The following JAKMIP2 variants were observed in gnomAD, a reference collection of about 807,000 sequenced individuals.
The protein encoded by JAKMIP2 is janus kinase and microtubule interacting protein 2, also known as janus kinase and microtubule-interacting protein 2.
JAKMIP2 carries 25 observed loss-of-function variants against 115.0 expected under a neutral mutation model. The ratio of observed to expected loss-of-function variants is 0.22; its 90% CI spans 0.16 to 0.30. The LOEUF (loss-of-function observed/expected upper bound fraction) is 0.30, where lower values mean the gene tolerates loss of function less well. JAKMIP2 is among the 10% of genes least tolerant of loss of function. The probability of loss-of-function intolerance (pLI) is 1.00; values close to 1 mark genes in which losing one functional copy is unlikely to be tolerated. For synonymous variants in JAKMIP2, 334 were observed against 343.6 expected, an observed-to-expected ratio of 0.97 and a Z score of 0.31; for missense variants, 642 against 957.6, an observed-to-expected ratio of 0.67 and a Z score of 4.35.
At chr5:147,734,378 C>T (rs1001190318) in intron 1 of JAKMIP2, among the ~76,000 whole-genome samples, 2 of 151,898 alleles carry the variant, frequency 1.3e-5, no homozygotes, top group African/African-American at 4.8e-5. Flanking sequence ...TGGAAACCAT[C>T]ATTCTCAGCA....
rs1452011374 is a variant in JAKMIP2, at chr5:147,589,922, C to T, written c.*1785G>A. On this transcript the variant is annotated 3_prime_UTR_variant, in exon 22 of 22. Transcript: ENST00000616793. ...CAGCACTTGTAATAATTACAAAGCA[C>T]ATTGTGCTACTTTAAGCACCTCTTG... 6.6e-6 allele frequency: 1 copy of T among 152,176 alleles called. No homozygotes were observed. The highest frequency in any genetic ancestry group is 1.5e-5 in the Non-Finnish European group (1 of 68,030). The allele number at this position is 152,176 out of a possible 1,614,324, so 9.4% of individuals were successfully genotyped here.
At chr5:147,779,701 A>G (rs1231619990) in intron 1 of JAKMIP2, among the ~76,000 whole-genome samples, 1 of 152,116 alleles carries the variant, frequency 6.6e-6, no homozygotes, top group Non-Finnish European at 1.5e-5. Flanking sequence ...TCAACTACAA[A>G]ATGGAGTCTT....
intron 1 of JAKMIP2, among the ~76,000 whole-genome samples, chr5:147,711,237 G>T (rs1469926532): frequency 1.3e-5 from 2 of 152,180 alleles, no homozygotes; most frequent in Non-Finnish European, 2.9e-5. Flanking sequence ...AAGTCATAAT[G>T]AGGTTGTTGT....
At chr5:147,623,711 A>G (rs1298347780) in intron 16 of JAKMIP2, 22 bp from the exon 17 acceptor site, 1 of 1,548,902 alleles carries the variant, frequency 6.5e-7, no homozygotes, top group Admixed American at 1.7e-5. Flanking sequence ...ACAAGACAAA[A>G]GTGTTTGACA....
At chr5:147,693,065 T>G (rs190031678) in intron 1 of JAKMIP2, among the ~76,000 whole-genome samples, 164 of 152,314 alleles carry the variant, frequency 1.1e-3, no homozygotes, top group Non-Finnish European at 1.7e-3. Context: ...AACAGTAAAA[T>G]TATACATTTT....
chr5:147,646,584 A>G (rs17107047), intron 5 of JAKMIP2, among the ~76,000 whole-genome samples: 4,738 of 152,100 alleles, frequency 0.031, 257 homozygotes, highest in African/African-American at 0.11. Flanking sequence ...TAAATAAAAC[A>G]CAGAAAGGTT....
At chr5:147,732,419 C>T (rs1580849987) in intron 1 of JAKMIP2, among the ~76,000 whole-genome samples, 2 of 152,146 alleles carry the variant, frequency 1.3e-5, no homozygotes, top group African/African-American at 2.4e-5. Flanking sequence ...TTTCACCATG[C>T]GTTTGTGGAG....
intron 1 of JAKMIP2, among the ~76,000 whole-genome samples, chr5:147,728,057 T>C (rs1338452579): frequency 1.3e-5 from 2 of 152,222 alleles, no homozygotes; most frequent in Non-Finnish European, 2.9e-5. Context: ...TGTTCTGTTT[T>C]GCTTTGCTTT....
At chr5:147,722,968 T>A (rs1753374039) in intron 1 of JAKMIP2, among the ~76,000 whole-genome samples, 1 of 152,124 alleles carries the variant, frequency 6.6e-6, no homozygotes, top group African/African-American at 2.4e-5. Flanking sequence ...GCAAAGCATT[T>A]TTGGGGGATG....
At position 147,609,232 on chromosome 5, in the gene JAKMIP2, T is replaced by C. The variant is rs1756184870; in HGVS notation, c.2412+3074A>G. On this transcript the variant is annotated intron_variant, in intron 20 of 21. Coordinates refer to ENST00000616793, the MANE Select transcript of JAKMIP2 (RefSeq NM_001270941.2). ...ATCCTGTCATTGTGATGCTAGCTGG[T>C]TGTTTTGCCCATTAGTTGATGCAGT... is the stretch of plus-strand genomic sequence containing the variant. 2.0e-5 allele frequency among the ~76,000 whole-genome samples: 3 copies of C among 152,176 alleles called. No homozygotes were observed. The South Asian group carries it at 6.2e-4, about 31-fold the overall frequency.
chr5:147,617,413 T>C (rs1231514196), intron 19 of JAKMIP2, among the ~76,000 whole-genome samples: 1 of 152,134 alleles, frequency 6.6e-6, no homozygotes. Flanking sequence ...GTAAGTAGAG[T>C]CCTTAGTTTA....
intron 1 of JAKMIP2, among the ~76,000 whole-genome samples, chr5:147,763,967 G>T (rs1755021738): frequency 6.6e-6 from 1 of 152,140 alleles, no homozygotes; most frequent in South Asian, 2.1e-4. Flanking sequence ...CACCCAGCCA[G>T]ACACCATGGG....
chr5:147,661,908 T>C (rs1385442323), intron 2 of JAKMIP2: 1 of 163,528 alleles, frequency 6.1e-6, no homozygotes, highest in South Asian at 1.8e-4. Flanking sequence ...GAGAGCTTTT[T>C]AGACTACACA....
chr5:147,679,066 G>A (rs1008800305), intron 1 of JAKMIP2, among the ~76,000 whole-genome samples: 2 of 151,644 alleles, frequency 1.3e-5, no homozygotes, highest in African/African-American at 2.4e-5. Context: ...CTGCAACCTC[G>A]GCCTCCCAGG....
chr5:147,620,741 T>C lies in JAKMIP2; in HGVS notation c.2067A>G (p.Glu689=), dbSNP rs1458872057. ...QKMMELESDM[E]QFCKIKGYLE... ...GATAGCCTTTTATTTTGCAGAACTG[T>C]TCCTATAACAAAGGGCCATATTGAT... The change falls in exon 18 of 22, where the codon GAA becomes GAG. Residue 689 remains glutamate, a splice_region_variant and synonymous_variant. Coordinates refer to ENST00000616793, the MANE Select transcript of JAKMIP2 (RefSeq NM_001270941.2). The C allele has an allele frequency of 3.1e-6, 5 of 1,612,334 alleles. No individual in the cohort carries two copies. The highest frequency in any genetic ancestry group is 3.3e-5 in the Admixed American group (2 of 60,002).
chr5:147,740,857 G>A (rs1273265192), intron 1 of JAKMIP2, among the ~76,000 whole-genome samples: 2 of 152,176 alleles, frequency 1.3e-5, no homozygotes, highest in African/African-American at 2.4e-5. Context: ...CAAAGGGTTG[G>A]TGAAGAGGAA....
rs1754902577 is a variant in JAKMIP2, at chr5:147,587,057, C to T, written c.*4650G>A. ...CAACTTTCCATTATGTCTGTATCTT[C>T]TTGCCAATATGCCTGAAATTAGATC... On this transcript the variant is annotated 3_prime_UTR_variant, in exon 22 of 22. Transcript: ENST00000616793. The T allele has an allele frequency of 6.6e-6, 1 of 152,128 alleles. No individual in the cohort carries two copies. The allele number at this position is 152,128 out of a possible 1,614,324, so 9.4% of individuals were successfully genotyped here.
At chr5:147,697,525 C>T (rs557546929) in intron 1 of JAKMIP2, among the ~76,000 whole-genome samples, 106 of 152,308 alleles carry the variant, frequency 7.0e-4, no homozygotes, top group Admixed American at 1.6e-3. Flanking sequence ...CCTCTCCCAT[C>T]ACAGGCCTGG....
intron 1 of JAKMIP2, among the ~76,000 whole-genome samples, chr5:147,748,427 C>T (rs973096959): frequency 2.0e-5 from 3 of 151,540 alleles, no homozygotes; most frequent in African/African-American, 7.3e-5. Context: ...AGGTAGATAG[C>T]GAGGGTAAAA....
Sources: gnomAD v4.1 joint callset for allele counts (sites outside exome capture counted in the v4.1 genomes callset) on GRCh38, gnomAD v4.1.1 for gene constraint, MANE v1.5 for transcripts, NCBI Gene and HGNC (gene_info 2026-07-23, HGNC 2026-07-21) for gene names.